Variants in CFAP69 observed in about 807,000 individuals in gnomAD.
CFAP69 encodes the protein cilia- and flagella-associated protein 69.
A neutral mutation model predicts 123.0 loss-of-function variants in CFAP69; 92 were observed. The observed-to-expected ratio is 0.75, with a 90% CI of 0.63 to 0.89. The LOEUF is 0.89. Among genes scored for constraint, CFAP69 ranks in the 40% least tolerant of loss-of-function variants. CFAP69 has a pLI of 0.00. For missense variants in CFAP69, 1,067 were observed against 1,096.9 expected, an observed-to-expected ratio of 0.97 and a Z score of 0.39; for synonymous variants, 380 against 364.3, an observed-to-expected ratio of 1.04 and a Z score of -0.49.
chr7:90,318,194 C>T, the CFAP69 span: 2 of 152,196 alleles, frequency 1.3e-5, no homozygotes, highest in African/African-American at 2.4e-5. Flanking sequence ...CCAATTTCCT[C>T]CACTACTTCA....
intron 15 of CFAP69, among the ~76,000 whole-genome samples, chr7:90,291,331 C>T (rs1012645122): frequency 3.9e-5 from 6 of 152,036 alleles, no homozygotes; most frequent in Non-Finnish European, 5.9e-5. Context: ...TGTAAACTGT[C>T]GTTGCACTGG....
chr7:90,261,166 G>A (rs941101396), intron 3 of CFAP69, among the ~76,000 whole-genome samples: 11 of 150,358 alleles, frequency 7.3e-5, no homozygotes, highest in East Asian at 2.0e-4. Flanking sequence ...TGCAATCTCC[G>A]CCTCCCGGCT....
chr7:90,269,701 G>C (rs915585436), intron 6 of CFAP69, among the ~76,000 whole-genome samples: 2 of 152,158 alleles, frequency 1.3e-5, no homozygotes, highest in Non-Finnish European at 2.9e-5. Context: ...CACTGGATTT[G>C]AGAGTGAGAG....
intron 15 of CFAP69, among the ~76,000 whole-genome samples, chr7:90,295,775 T>C (rs753666911): frequency 1.3e-5 from 2 of 152,208 alleles, no homozygotes; most frequent in African/African-American, 2.4e-5. Context: ...GGACTGCTGG[T>C]TGCCCGTTTG....
At chr7:90,265,512 A>G in intron 5 of CFAP69, 135 bp downstream of exon 5, 1 of 585,914 alleles carries the variant, frequency 1.7e-6, no homozygotes, top group Non-Finnish European at 3.1e-6. Context: ...TTAGTGAATT[A>G]ATCACAGTGT....
chr7:90,289,609 C>G (rs902309663), intron 15 of CFAP69, among the ~76,000 whole-genome samples: 1 of 152,092 alleles, frequency 6.6e-6, no homozygotes, highest in African/African-American at 2.4e-5. Flanking sequence ...TTTTGTTGAA[C>G]AGATAGTCTT....
chr7:90,272,566 CA>C (rs1199035991), intron 8 of CFAP69, among the ~76,000 whole-genome samples: 1 of 152,052 alleles, frequency 6.6e-6, no homozygotes, highest in East Asian at 1.9e-4. Flanking sequence ...TTTTTGTTTG[CA>C]AGTGACTAAA....
chr7:90,299,767 A>C lies in CFAP69; in HGVS notation c.1858-100A>C, dbSNP rs374027130. The stretch of plus-strand genomic sequence containing the variant: ...ATTTTCCTGACTCTGAGTTTAGAAG[A>C]AACTTAATGATAATAGAAGTGTTTC... On this transcript the variant is annotated intron_variant, in intron 16 of 22. Coordinates refer to ENST00000389297, the MANE Select transcript of CFAP69 (RefSeq NM_001039706.3). 4.4e-3 allele frequency: 4,366 copies of C among 982,472 alleles called. 61 individuals carry two copies. The highest frequency in any genetic ancestry group is 0.03 in the South Asian group (1,587 of 52,128). 60.9% of individuals were successfully genotyped at this position (982,472 alleles called of 1,614,324 possible). A position where few individuals can be genotyped will look rare whatever the true frequency, so the allele number is the denominator to read the frequency against.
intron 14 of CFAP69, chr7:90,287,864 T>C (rs1790532663): frequency 2.0e-6 from 1 of 512,516 alleles, no homozygotes; most frequent in South Asian, 8.3e-5. Context: ...TGCATGATAG[T>C]TCTTACTATC....
At chr7:90,290,727 A>G (rs940694585) in intron 15 of CFAP69, among the ~76,000 whole-genome samples, 7 of 150,216 alleles carry the variant, frequency 4.7e-5, no homozygotes, top group Middle Eastern at 3.2e-3. Flanking sequence ...CTTTTGAAAC[A>G]GGCAGTAGAA....
chr7:90,245,807 G>A (rs144893111), intron 1 of CFAP69, among the ~76,000 whole-genome samples: 38 of 152,326 alleles, frequency 2.5e-4, no homozygotes, highest in Admixed American at 5.2e-4. Flanking sequence ...CTAGCAAACT[G>A]AGTAGGCGGG....
At chr7:90,292,358 G>A (rs765513642) in intron 15 of CFAP69, among the ~76,000 whole-genome samples, 1 of 152,160 alleles carries the variant, frequency 6.6e-6, no homozygotes, top group South Asian at 2.1e-4. Context: ...CACAGGCCAG[G>A]AACCCTATAC....
At chr7:90,312,732 T>A (rs1287299608), downstream of CFAP69, 10 of 152,138 alleles carry the variant, frequency 6.6e-5, no homozygotes, top group Admixed American at 6.5e-4. Flanking sequence ...CCCTGAGCCC[T>A]AGGGGACATG....
intron 6 of CFAP69, chr7:90,270,038 G>C (rs1349417574): frequency 6.6e-6 from 1 of 152,204 alleles, no homozygotes; most frequent in Non-Finnish European, 1.5e-5. Flanking sequence ...ATGGGGCAAA[G>C]ACGTGAGGTT....
intron 3 of CFAP69, among the ~76,000 whole-genome samples, chr7:90,259,997 A>T (rs1449239422): frequency 1.3e-5 from 2 of 151,976 alleles, no homozygotes; most frequent in African/African-American, 2.4e-5. Flanking sequence ...CCAACCCTCA[A>T]CCTGTGGGCT....
chr7:90,320,448 T>G, the CFAP69 span: 1 of 152,222 alleles, frequency 6.6e-6, no homozygotes, highest in Non-Finnish European at 1.5e-5. Flanking sequence ...CAGGGCCCAT[T>G]ACATTCAGCA....
chr7:90,283,915 G>A (rs1389113044), intron 13 of CFAP69, among the ~76,000 whole-genome samples: 1 of 152,044 alleles, frequency 6.6e-6, no homozygotes. Flanking sequence ...ATAGGAAATA[G>A]CAGGAAATCA....
intron 15 of CFAP69, among the ~76,000 whole-genome samples, chr7:90,290,571 T>C (rs1790978717): frequency 6.6e-6 from 1 of 152,116 alleles, no homozygotes; most frequent in African/African-American, 2.4e-5. Flanking sequence ...CCCAGAATAA[T>C]GTTTGCCCAA....
chr7:90,274,242 C>A, intron 9 of CFAP69, 132 bp downstream of exon 9: 1 of 1,067,428 alleles, frequency 9.4e-7, no homozygotes, highest in Non-Finnish European at 1.3e-6. Context: ...TCTTGATGGT[C>A]ACCAGTGTGC....
Sources: gnomAD v4.1 joint callset for allele counts (sites outside exome capture counted in the v4.1 genomes callset) on GRCh38, gnomAD v4.1.1 for gene constraint, MANE v1.5 for transcripts, NCBI Gene and HGNC (gene_info 2026-07-23, HGNC 2026-07-21) for gene names.